The following ZNF536 variants were observed in gnomAD, a reference collection of about 807,000 sequenced individuals.
ZNF536 encodes zinc finger protein 536.
A neutral mutation model predicts 84.5 loss-of-function variants in ZNF536; 13 were observed. The ratio of observed to expected loss-of-function variants is 0.15; its 90% CI spans 0.10 to 0.24. The LOEUF (loss-of-function observed/expected upper bound fraction) is 0.24, where lower values mean the gene tolerates loss of function less well. ZNF536 is among the 10% of genes least tolerant of loss of function. The probability of loss-of-function intolerance (pLI) is 1.00; values close to 1 mark genes in which losing one functional copy is unlikely to be tolerated. For synonymous variants in ZNF536, 811 were observed against 742.5 expected, an observed-to-expected ratio of 1.09 and a Z score of -1.50; for missense variants, 1,536 against 1,747.5, an observed-to-expected ratio of 0.88 and a Z score of 2.16.
chr19:30,685,469 T>TC (rs1280568828), intron 1 of ZNF536, among the ~76,000 whole-genome samples: 1 of 152,014 alleles, frequency 6.6e-6, no homozygotes, highest in Non-Finnish European at 1.5e-5. Flanking sequence ...AACTCTGGTA[T>TC]CCCCATCCAG....
chr19:30,637,361 T>A (rs1245789777), intron 1 of ZNF536, among the ~76,000 whole-genome samples: 1 of 152,196 alleles, frequency 6.6e-6, no homozygotes, highest in South Asian at 2.1e-4. Flanking sequence ...TCAACTGGGA[T>A]TGAAGTGAAG....
chr19:30,426,829 G>T (rs2051235770), intron 1 of ZNF536, among the ~76,000 whole-genome samples: 1 of 152,176 alleles, frequency 6.6e-6, no homozygotes, highest in African/African-American at 2.4e-5. Flanking sequence ...CATAGCTTCT[G>T]AACCTCTGTC....
chr19:30,533,656 G>A (rs2044951272), intron 2 of ZNF536, among the ~76,000 whole-genome samples: 1 of 152,246 alleles, frequency 6.6e-6, no homozygotes, highest in Non-Finnish European at 1.5e-5. Context: ...TCCATTGCTT[G>A]GAAGGCACAG....
At chr19:30,299,458 T>A (rs940804242) in intron 2 of ZNF536, among the ~76,000 whole-genome samples, 5 of 152,170 alleles carry the variant, frequency 3.3e-5, no homozygotes, top group Admixed American at 3.3e-4. Flanking sequence ...TGAGAGAAGA[T>A]ATAAAATAGG....
At chr19:30,245,643 A>G (rs2024216889) in intron 1 of ZNF536, among the ~76,000 whole-genome samples, 1 of 152,236 alleles carries the variant, frequency 6.6e-6, no homozygotes, top group Non-Finnish European at 1.5e-5. Context: ...CCGTGATGGA[A>G]GTGCAGAAAG....
chr19:30,422,300 A>T (rs959981310), intron 1 of ZNF536, among the ~76,000 whole-genome samples: 1 of 152,298 alleles, frequency 6.6e-6, no homozygotes, highest in East Asian at 1.9e-4. Context: ...TTCCAGGCCC[A>T]AGGAAGTTGC....
intron 3 of ZNF536, among the ~76,000 whole-genome samples, chr19:30,535,815 G>A (rs145152650): frequency 6.6e-6 from 1 of 152,250 alleles, no homozygotes; most frequent in African/African-American, 2.4e-5. Context: ...CTGCTTCAGA[G>A]GCTAGACAAA....
At position 30,534,984 on chromosome 19, in the gene ZNF536, C is replaced by A. The variant is rs771068303; in HGVS notation, c.2308C>A (p.Leu770Met). Residue 770 changes from leucine to methionine, a missense_variant, in exon 3 of 5, where the codon CTG becomes ATG. This residue lies in a region of ZNF536 where 148 missense variants were observed against 205.4 expected (regional missense o/e 0.72). Transcript: ENST00000355537. ...GACATCCCATCACCTTAAGGTGCAC[C>A]TGAGGATACACACAGGTGAGAAGTC... is the stretch of plus-strand genomic sequence containing the variant. The part of the protein sequence containing the change: ...FRTSHHLKVH[L>M]RIHTGEKPYK... 1 of 1,612,216 alleles carries A rather than the reference C, an allele frequency of 6.2e-7. No homozygotes were observed. The highest frequency in any genetic ancestry group is 8.5e-7 in the Non-Finnish European group (1 of 1,179,078).
At chr19:30,421,208 CTT>C (rs906194628) in intron 1 of ZNF536, among the ~76,000 whole-genome samples, 6 of 151,916 alleles carry the variant, frequency 3.9e-5, no homozygotes, top group Admixed American at 2.0e-4. Flanking sequence ...TTTAAAATTA[CTT>C]TTTTTTCTTT....
At chr19:30,513,933 C>A (rs2055524487) in intron 2 of ZNF536, among the ~76,000 whole-genome samples, 1 of 152,178 alleles carries the variant, frequency 6.6e-6, no homozygotes, top group Non-Finnish European at 1.5e-5. Flanking sequence ...AGTTTATCAG[C>A]ATCTGTGTGC....
In ZNF536 at chr19:30,564,685, C is replaced by A. The variant is rs74421446; in HGVS notation, c.169+15171C>A. The stretch of plus-strand genomic sequence containing the variant: ...CCTCCCGCTTGCTCCACTCCCACCG[C>A]CAGTTTCAGGAGGAAATGCTGCAGC... On this transcript the variant is annotated intron_variant, in intron 1 of 1. Coordinates refer to the ZNF536 transcript ENST00000592773. 8.0e-3 allele frequency among the ~76,000 whole-genome samples: 1,213 copies of A among 152,270 alleles called. 17 individuals are homozygous for A. The highest frequency in any genetic ancestry group is 0.027 in the African/African-American group (1,143 of 41,564).
At chr19:30,631,581 C>T (rs1446132186) in intron 1 of ZNF536, among the ~76,000 whole-genome samples, 1 of 152,168 alleles carries the variant, frequency 6.6e-6, no homozygotes, top group Non-Finnish European at 1.5e-5. Flanking sequence ...TTTTATGCCT[C>T]CACCATTACT....
At chr19:30,227,760 C>G (rs908477270), upstream of ZNF536, among the ~76,000 whole-genome samples, 2 of 151,934 alleles carry the variant, frequency 1.3e-5, no homozygotes, top group African/African-American at 2.4e-5. Context: ...CCGCCGCCGC[C>G]GCTGTGCAAT....
chr19:30,404,684 A>G (rs1217936743), intron 1 of ZNF536, among the ~76,000 whole-genome samples: 2 of 152,020 alleles, frequency 1.3e-5, no homozygotes, highest in Admixed American at 1.3e-4. Context: ...TTATACTACA[A>G]CCACAGTCAT....
At chr19:30,672,785 C>T (rs1415183847) in intron 1 of ZNF536, among the ~76,000 whole-genome samples, 1 of 152,060 alleles carries the variant, frequency 6.6e-6, no homozygotes, top group Non-Finnish European at 1.5e-5. Flanking sequence ...AGAGAAGATC[C>T]CAGGAAGTAC....
intron 2 of ZNF536, among the ~76,000 whole-genome samples, chr19:30,326,452 T>G (rs538868290): frequency 1.1e-4 from 17 of 152,346 alleles, no homozygotes; most frequent in African/African-American, 4.1e-4. Context: ...GTCCTCTTTT[T>G]GTTCGTGGTA....
intron 1 of ZNF536, among the ~76,000 whole-genome samples, chr19:30,604,936 G>A (rs887757537): frequency 3.3e-5 from 5 of 152,142 alleles, no homozygotes; most frequent in African/African-American, 9.7e-5. Flanking sequence ...TCCTTCCAGC[G>A]ACAGCAGGTT....
chr19:30,415,899 C>T (rs997133857), intron 1 of ZNF536, among the ~76,000 whole-genome samples: 1 of 152,228 alleles, frequency 6.6e-6, no homozygotes, highest in African/African-American at 2.4e-5. Context: ...CATGAGCCAT[C>T]ATGCCCGGCC....
At chr19:30,495,161 T>A (rs1358015254) in intron 2 of ZNF536, among the ~76,000 whole-genome samples, 1 of 152,156 alleles carries the variant, frequency 6.6e-6, no homozygotes, top group African/African-American at 2.4e-5. Context: ...CATAGTACAT[T>A]ACTTAACTGG....
Sources: allele counts gnomAD v4.1 joint callset (sites outside exome capture counted in the v4.1 genomes callset), GRCh38; gene constraint gnomAD v4.1.1; regional missense constraint gnomAD v4.1.1; transcripts MANE v1.5; gene names NCBI Gene and HGNC (gene_info 2026-07-23, HGNC 2026-07-21).